The following C3orf49 variants were observed in gnomAD, a reference collection of about 807,000 sequenced individuals.
C3orf49 encodes the protein chromosome 3 open reading frame 49, also known as putative uncharacterized protein C3orf49.
In C3orf49, 27 loss-of-function variants were observed where a neutral mutation model predicts 13.3. The observed-to-expected ratio is 2.02, with a 90% CI of 1.49 to 2.79. The LOEUF (loss-of-function observed/expected upper bound fraction) is 2.79, where lower values mean the gene tolerates loss of function less well. Among genes scored for constraint, C3orf49 ranks in the 30% most tolerant of loss-of-function variants. The probability of loss-of-function intolerance (pLI) is 0.00; values close to 1 mark genes in which losing one functional copy is unlikely to be tolerated. For synonymous variants in C3orf49, 87 were observed against 47.6 expected, an observed-to-expected ratio of 1.83 and a Z score of -3.40; for missense variants, 242 against 134.2, an observed-to-expected ratio of 1.80 and a Z score of -3.97.
upstream of C3orf49, among the ~76,000 whole-genome samples, chr3:63,814,347 C>A (rs1470687110): frequency 6.6e-6 from 1 of 152,034 alleles, no homozygotes; most frequent in East Asian, 1.9e-4. Context: ...CTACAGTTTA[C>A]CACAATTCCC....
At chr3:63,821,224 TCAC>T (rs1701389933) in intron 1 of C3orf49, among the ~76,000 whole-genome samples, 1 of 152,172 alleles carries the variant, frequency 6.6e-6, no homozygotes, top group Non-Finnish European at 1.5e-5. Context: ...GTCTAGGCTG[TCAC>T]TGAACCACTT....
At chr3:63,785,065 CTTTTTTT>C in the C3orf49 span, among the ~76,000 whole-genome samples, 1 of 64,944 alleles carries the variant, frequency 1.5e-5, no homozygotes, top group Non-Finnish European at 2.6e-5. Context: ...TCTTCTTCTT[CTTTTTTT>C]TTTTTTTTTT....
intron 3 of C3orf49, among the ~76,000 whole-genome samples, chr3:63,829,797 C>CAA (rs1052173848): frequency 1.6e-4 from 23 of 146,828 alleles, no homozygotes; most frequent in Non-Finnish European, 2.9e-4. Context: ...CCCATCTCTA[C>CAA]AAAAAAAAAA....
the C3orf49 span, among the ~76,000 whole-genome samples, chr3:63,787,503 C>T: frequency 3.4e-5 from 5 of 148,968 alleles, no homozygotes; most frequent in South Asian, 2.1e-4. Flanking sequence ...GCTACATCTT[C>T]ATGAGGTTTA....
the C3orf49 span, among the ~76,000 whole-genome samples, chr3:63,782,083 GACCCTCAAT>G: frequency 6.6e-6 from 1 of 152,116 alleles, no homozygotes; most frequent in Non-Finnish European, 1.5e-5. Flanking sequence ...AATCACTGTT[GACCCTCAAT>G]ACGGTTTTAT....
At chr3:63,820,873 T>A (rs1412701160) in intron 1 of C3orf49, among the ~76,000 whole-genome samples, 2 of 152,138 alleles carry the variant, frequency 1.3e-5, no homozygotes, top group East Asian at 3.9e-4. Flanking sequence ...ATGTACATTT[T>A]GCAGAACCCT....
the C3orf49 span, among the ~76,000 whole-genome samples, chr3:63,789,711 TGAGGCAG>T: frequency 6.8e-6 from 1 of 147,390 alleles, no homozygotes; most frequent in Non-Finnish European, 1.5e-5. Flanking sequence ...CTAGGGAGGC[TGAGGCAG>T]GAGAATTGCT....
At chr3:63,796,885 G>A in the C3orf49 span, among the ~76,000 whole-genome samples, 1 of 151,782 alleles carries the variant, frequency 6.6e-6, no homozygotes, top group Non-Finnish European at 1.5e-5. Context: ...CTTTCTCCCT[G>A]GAACTTCTTT....
the C3orf49 span, among the ~76,000 whole-genome samples, chr3:63,807,484 T>G: frequency 1.3e-5 from 2 of 152,172 alleles, no homozygotes; most frequent in African/African-American, 4.8e-5. Context: ...TTTGACTTGC[T>G]GGAACCAAAT....
the C3orf49 span, among the ~76,000 whole-genome samples, chr3:63,812,374 A>C: frequency 1.3e-5 from 2 of 152,306 alleles, no homozygotes; most frequent in Middle Eastern, 6.8e-3. Context: ...ATCCTGGGTC[A>C]CCTGTGGTCC....
chr3:63,842,229 A>T (rs1264823491), intron 5 of C3orf49, among the ~76,000 whole-genome samples: 1 of 152,198 alleles, frequency 6.6e-6, no homozygotes, highest in Non-Finnish European at 1.5e-5. Flanking sequence ...CAACATCACT[A>T]ATCAGGGAAA....
chr3:63,781,471 G>A, the C3orf49 span, among the ~76,000 whole-genome samples: 9 of 152,182 alleles, frequency 5.9e-5, no homozygotes, highest in South Asian at 2.1e-4. Context: ...TTGGCAATGC[G>A]GGCTCTTTTT....
rs78593053 is a variant in C3orf49, at chr3:63,829,006, G to A, written c.570+1281G>A. ...GCAGTTCCCCAGTTGCACTAGCTAC[G>A]TTTCAAATGGCCAACAATCGCACCT... On this transcript the variant is annotated intron_variant, in intron 3 of 6. Transcript: ENST00000295896. Among the ~76,000 whole-genome samples the A allele has an allele frequency of 3.8e-3, 577 of 152,256 alleles. 11 individuals carry two copies. Among genetic ancestry groups the A allele is most frequent in the East Asian group, 0.023 (118 of 5,182 alleles).
chr3:63,798,935 C>T, the C3orf49 span, among the ~76,000 whole-genome samples: 1 of 152,166 alleles, frequency 6.6e-6, no homozygotes, highest in Non-Finnish European at 1.5e-5. Flanking sequence ...AAATGAATTA[C>T]TTGCATTAAT....
rs1701951041 is a variant in C3orf49, at chr3:63,848,527, C to T, written c.*194C>T. Reference sequence around the variant, plus strand: ...ATGTCTGCCTGTAACTTCTGTCCCCCTAAAATGCATAAAATCAGCTGTAAT... The same window carrying T: ...ATGTCTGCCTGTAACTTCTGTCCCCTTAAAATGCATAAAATCAGCTGTAAT... On this transcript the variant is annotated 3_prime_UTR_variant, in exon 7 of 7. Coordinates refer to ENST00000295896, the MANE Select transcript of C3orf49 (RefSeq NM_001355236.2). 6.6e-6 allele frequency: 1 copy of T among 152,186 alleles called. No individual in the cohort carries two copies. Among genetic ancestry groups the T allele is most frequent in the African/African-American group, 2.4e-5 (1 of 41,440 alleles). 9.4% of individuals were successfully genotyped at this position (152,186 alleles called of 1,614,324 possible).
intron 5 of C3orf49, chr3:63,838,351 A>G: frequency 7.1e-7 from 1 of 1,405,358 alleles, no homozygotes; most frequent in Non-Finnish European, 9.8e-7. Context: ...AATTACAGAT[A>G]GAAACATTAA....
At chr3:63,801,553 T>A in the C3orf49 span, among the ~76,000 whole-genome samples, 3 of 152,166 alleles carry the variant, frequency 2.0e-5, no homozygotes, top group Non-Finnish European at 2.9e-5. Flanking sequence ...ACTGAGAAAG[T>A]TACTTCACCT....
chr3:63,809,575 C>T, the C3orf49 span, among the ~76,000 whole-genome samples: 1 of 152,158 alleles, frequency 6.6e-6, no homozygotes. Flanking sequence ...GAGCAAAAGG[C>T]CAAACTCCCA....
rs1408149323 is a variant in C3orf49 at position 63,845,053 on chromosome 3, C to T, written c.*1C>T. On this transcript the variant is annotated 3_prime_UTR_variant, in exon 6 of 7. Coordinates refer to ENST00000295896, the MANE Select transcript of C3orf49 (RefSeq NM_001355236.2). ...CACAAAAGGACCTGGAGACAGCTGA[C>T]CTGAGACTCCTTGAGGAACACAGGA... 1 of 699,692 alleles carries T rather than the reference C, an allele frequency of 1.4e-6. No homozygotes were observed. Among genetic ancestry groups the T allele is most frequent in the Admixed American group, 2.0e-5 (1 of 49,640 alleles). 43.3% of individuals were successfully genotyped at this position (699,692 alleles called of 1,614,324 possible).
Sources: allele counts gnomAD v4.1 joint callset (sites outside exome capture counted in the v4.1 genomes callset), GRCh38; gene constraint gnomAD v4.1.1; transcripts MANE v1.5; gene names NCBI Gene and HGNC (gene_info 2026-07-23, HGNC 2026-07-21).